Variants in GPC5 observed in about 807,000 individuals in gnomAD.
The protein encoded by GPC5 is glypican-5.
GPC5 carries 47 observed loss-of-function variants against 53.9 expected under a neutral mutation model. The observed-to-expected ratio is 0.87, with a 90% CI of 0.69 to 1.11. The LOEUF is 1.11. GPC5 is among the 50% of genes most tolerant of loss of function. The probability of loss-of-function intolerance (pLI) is 0.00; values close to 1 mark genes in which losing one functional copy is unlikely to be tolerated. For missense variants in GPC5, 748 were observed against 713.1 expected, an observed-to-expected ratio of 1.05 and a Z score of -0.56; for synonymous variants, 286 against 263.3, an observed-to-expected ratio of 1.09 and a Z score of -0.84.
At chr13:91,983,206 C>T (rs540936908) in intron 6 of GPC5, among the ~76,000 whole-genome samples, 1 of 152,054 alleles carries the variant, frequency 6.6e-6, no homozygotes, top group Admixed American at 6.5e-5. Flanking sequence ...ATTAGCCGGG[C>T]GTACTGGCGG....
At chr13:92,362,355 G>C (rs2043574991) in intron 7 of GPC5, among the ~76,000 whole-genome samples, 1 of 151,754 alleles carries the variant, frequency 6.6e-6, no homozygotes, top group Non-Finnish European at 1.5e-5. Context: ...CAAATTTATG[G>C]AAACATTATA....
chr13:92,818,619 C>T (rs925814873), intron 7 of GPC5, among the ~76,000 whole-genome samples: 3 of 151,732 alleles, frequency 2.0e-5, no homozygotes, highest in African/African-American at 4.9e-5. Flanking sequence ...TCCTTTTTTG[C>T]AAAATGTCTG....
chr13:91,852,661 T>C (rs1484007549), intron 5 of GPC5, among the ~76,000 whole-genome samples: 2 of 152,118 alleles, frequency 1.3e-5, no homozygotes, highest in African/African-American at 4.8e-5. Context: ...GTATGTCTTC[T>C]CTTTTTAGGT....
At chr13:92,089,163 A>G (rs2138892887) in intron 6 of GPC5, among the ~76,000 whole-genome samples, 1 of 152,296 alleles carries the variant, frequency 6.6e-6, no homozygotes, top group East Asian at 1.9e-4. Flanking sequence ...GGCCTGGTAC[A>G]GTGGCTCAAG....
chr13:91,440,330 C>G (rs547935235), intron 1 of GPC5, among the ~76,000 whole-genome samples: 3 of 152,266 alleles, frequency 2.0e-5, no homozygotes, highest in African/African-American at 7.2e-5. Context: ...TTCTTCAGAT[C>G]ACATATTTTC....
chr13:91,741,414 G>T (rs1173848447), intron 4 of GPC5, among the ~76,000 whole-genome samples: 1 of 152,154 alleles, frequency 6.6e-6, no homozygotes, highest in African/African-American at 2.4e-5. Context: ...GGCAGGGCAT[G>T]ATTCTCATTC....
In GPC5 at chr13:92,591,927, A is replaced by T. The variant is rs190193755; in HGVS notation, c.1562-274355A>T. On this transcript the variant is annotated intron_variant, in intron 7 of 7. Transcript: ENST00000377067. ...AATGTGAGCACCTGCTAAGCCCTTC[A>T]CCCAAGCCATTGACCTGAGAGTCCA... Among the ~76,000 whole-genome samples the T allele has an allele frequency of 1.7e-3, 253 of 152,156 alleles. 1 individual carries two copies. Among genetic ancestry groups the T allele is most frequent in the African/African-American group, 6.0e-3 (249 of 41,510 alleles).
chr13:92,403,045 T>A (rs1875629735), intron 7 of GPC5, among the ~76,000 whole-genome samples: 1 of 152,200 alleles, frequency 6.6e-6, no homozygotes. Context: ...TTCAAATCAA[T>A]AGACAACTGT....
chr13:91,710,941 C>T (rs187552827), intron 3 of GPC5, among the ~76,000 whole-genome samples: 36 of 152,272 alleles, frequency 2.4e-4, no homozygotes, highest in Non-Finnish European at 4.1e-4. Flanking sequence ...GTGGTTTCCA[C>T]GCAGATCATG....
chr13:92,519,369 T>C (rs1435571793), intron 7 of GPC5, among the ~76,000 whole-genome samples: 1 of 152,142 alleles, frequency 6.6e-6, no homozygotes, highest in East Asian at 1.9e-4. Context: ...ATTGACCACA[T>C]AGTTGGAAGT....
intron 2 of GPC5, among the ~76,000 whole-genome samples, chr13:91,470,627 C>G (rs1882560397): frequency 6.6e-6 from 1 of 152,144 alleles, no homozygotes; most frequent in Non-Finnish European, 1.5e-5. Flanking sequence ...GAGAGTAGTT[C>G]TAGCTTATGT....
At chr13:92,409,467 TAATA>T (rs1875948970) in intron 7 of GPC5, among the ~76,000 whole-genome samples, 1 of 152,078 alleles carries the variant, frequency 6.6e-6, no homozygotes, top group South Asian at 2.1e-4. Context: ...TATGCCACAC[TAATA>T]TTTAAATAAC....
intron 7 of GPC5, among the ~76,000 whole-genome samples, chr13:92,406,866 A>C (rs1016107828): frequency 1.3e-5 from 2 of 152,246 alleles, no homozygotes; most frequent in Non-Finnish European, 2.9e-5. Context: ...CTTGAAGAAT[A>C]AAATTTTAAT....
At chr13:91,645,609 G>A (rs2034539346) in intron 2 of GPC5, among the ~76,000 whole-genome samples, 1 of 152,186 alleles carries the variant, frequency 6.6e-6, no homozygotes, top group African/African-American at 2.4e-5. Flanking sequence ...AAGATAGTGT[G>A]AGGTCACTTT....
intron 4 of GPC5, among the ~76,000 whole-genome samples, chr13:91,753,267 G>A (rs115401026): frequency 0.014 from 2,070 of 152,258 alleles, 49 homozygotes; most frequent in African/African-American, 0.044. Flanking sequence ...AATATCAAGC[G>A]AGATAAGGAT....
At chr13:91,844,536 G>A (rs375195380) in intron 5 of GPC5, among the ~76,000 whole-genome samples, 1 of 152,152 alleles carries the variant, frequency 6.6e-6, no homozygotes, top group African/African-American at 2.4e-5. Flanking sequence ...ACTAGGCAAT[G>A]GCTATGAACA....
intron 6 of GPC5, among the ~76,000 whole-genome samples, chr13:91,998,268 T>G (rs779518289): frequency 3.3e-5 from 5 of 152,214 alleles, no homozygotes; most frequent in Non-Finnish European, 7.3e-5. Flanking sequence ...TACTAAATGC[T>G]GTAGGTATAG....
intron 7 of GPC5, among the ~76,000 whole-genome samples, chr13:92,742,610 C>T (rs1473232065): frequency 6.6e-6 from 1 of 151,778 alleles, no homozygotes; most frequent in African/African-American, 2.4e-5. Flanking sequence ...TCAATTTTGG[C>T]CTTTGTTGCC....
chr13:91,693,150 T>C (rs2035792451), intron 2 of GPC5, 37 bp from the exon 3 acceptor site: 1 of 1,474,762 alleles, frequency 6.8e-7, no homozygotes, highest in Non-Finnish European at 9.4e-7. Context: ...GCATGAATAC[T>C]AAACCTTCTC....
Sources: gnomAD v4.1 joint callset for allele counts (sites outside exome capture counted in the v4.1 genomes callset) on GRCh38, gnomAD v4.1.1 for gene constraint, MANE v1.5 for transcripts, NCBI Gene and HGNC (gene_info 2026-07-23, HGNC 2026-07-21) for gene names.